Variants in PLXNA4 observed in about 807,000 individuals in gnomAD.
The protein encoded by PLXNA4 is plexin A4.
A neutral mutation model predicts 191.8 loss-of-function variants in PLXNA4; 44 were observed. The ratio of observed to expected loss-of-function variants is 0.23; its 90% CI spans 0.18 to 0.29. The LOEUF (loss-of-function observed/expected upper bound fraction) is 0.29. Among genes scored for constraint, PLXNA4 ranks in the 10% least tolerant of loss-of-function variants. The probability of loss-of-function intolerance (pLI) is 1.00; values close to 1 mark genes in which losing one functional copy is unlikely to be tolerated. For synonymous variants in PLXNA4, 1,082 were observed against 1,009.5 expected (o/e 1.07, Z -1.36); for missense variants, 1,800 against 2,488.8 (o/e 0.72, Z 5.89).
At chr7:132,338,495 G>T (rs996364490) in intron 3 of PLXNA4, among the ~76,000 whole-genome samples, 1 of 152,238 alleles carries the variant, frequency 6.6e-6, no homozygotes, top group Non-Finnish European at 1.5e-5. Context: ...CAGTAAAAAT[G>T]AGTTGTTCCA....
At chr7:132,368,168 C>T (rs761392418) in intron 3 of PLXNA4, among the ~76,000 whole-genome samples, 1 of 151,958 alleles carries the variant, frequency 6.6e-6, no homozygotes, top group Non-Finnish European at 1.5e-5. Flanking sequence ...CAATGCTGGG[C>T]GTGATCAAAG....
chr7:132,648,257 C>A (rs1055908819), intron 1 of PLXNA4, among the ~76,000 whole-genome samples: 6 of 152,160 alleles, frequency 3.9e-5, no homozygotes, highest in African/African-American at 1.4e-4. Context: ...CACAGAAACG[C>A]TTTCCATTTC....
intron 2 of PLXNA4, among the ~76,000 whole-genome samples, chr7:132,585,166 GA>G (rs1177019919): frequency 6.6e-6 from 1 of 152,138 alleles, no homozygotes; most frequent in Non-Finnish European, 1.5e-5. Context: ...TGATTATAGG[GA>G]TATTCCAGGG....
intron 4 of PLXNA4, among the ~76,000 whole-genome samples, chr7:132,246,290 A>G (rs1020820975): frequency 6.6e-6 from 1 of 152,362 alleles, no homozygotes; most frequent in East Asian, 1.9e-4. Context: ...AAAGATAGGT[A>G]TCACTATTCT....
intron 2 of PLXNA4, among the ~76,000 whole-genome samples, chr7:132,490,993 T>C (rs1797774087): frequency 1.3e-5 from 2 of 152,054 alleles, no homozygotes; most frequent in Non-Finnish European, 1.5e-5. Context: ...TAGTAGCTGG[T>C]GAAAAGCCCT....
At chr7:132,647,860 C>A (rs1395273697) in intron 1 of PLXNA4, among the ~76,000 whole-genome samples, 1 of 151,874 alleles carries the variant, frequency 6.6e-6, no homozygotes, top group Non-Finnish European at 1.5e-5. Flanking sequence ...ATCATATACA[C>A]ACATACACTC....
chr7:132,189,042 GA>G (rs1562909202), intron 14 of PLXNA4, among the ~76,000 whole-genome samples: 3 of 88,876 alleles, frequency 3.4e-5, no homozygotes, highest in African/African-American at 2.1e-4. Context: ...GAGAGAGAGA[GA>G]GAGAGAGAGA....
chr7:132,151,831 G>A (rs1027599187), intron 25 of PLXNA4, among the ~76,000 whole-genome samples: 8 of 152,104 alleles, frequency 5.3e-5, no homozygotes, highest in African/African-American at 1.7e-4. Flanking sequence ...AGAGAGGGTG[G>A]AGTATAACTG....
intron 2 of PLXNA4, among the ~76,000 whole-genome samples, chr7:132,615,927 A>ATCTCTCTCTC (rs370549958): frequency 0.061 from 5,067 of 83,612 alleles, 318 homozygotes; most frequent in African/African-American, 0.07. Flanking sequence ...CAGATAAAGG[A>ATCTCTCTCTC]TCTCTCTCTC....
chr7:132,153,895 C>A (rs533767027), intron 25 of PLXNA4, among the ~76,000 whole-genome samples: 2 of 152,030 alleles, frequency 1.3e-5, no homozygotes, highest in Non-Finnish European at 2.9e-5. Flanking sequence ...TTTGCAATAA[C>A]CCCACTTCCA....
At chr7:132,166,647 G>A (rs1250665784) in intron 22 of PLXNA4, among the ~76,000 whole-genome samples, 1 of 151,858 alleles carries the variant, frequency 6.6e-6, no homozygotes, top group African/African-American at 2.4e-5. Flanking sequence ...GCAGCCGGGG[G>A]CAAGAAGAAG....
chr7:132,228,611 C>T (rs1798416145), intron 5 of PLXNA4, 142 bp from the exon 6 acceptor site: 1 of 1,100,138 alleles, frequency 9.1e-7, no homozygotes, highest in Admixed American at 2.7e-5. Context: ...TGTGTCCTTC[C>T]TCAAGCCTGG....
chr7:132,169,896 G>T (rs998136400), intron 21 of PLXNA4, among the ~76,000 whole-genome samples: 1 of 152,070 alleles, frequency 6.6e-6, no homozygotes. Context: ...CTGCCCCCAA[G>T]GGGGAGCTTC....
At chr7:132,178,713 T>TACACATACAC (rs142378860) in intron 20 of PLXNA4, among the ~76,000 whole-genome samples, 3 of 112,096 alleles carry the variant, frequency 2.7e-5, no homozygotes, top group South Asian at 3.1e-4. Context: ...CACATACACA[T>TACACATACAC]ACACACACAC....
intron 3 of PLXNA4, among the ~76,000 whole-genome samples, chr7:132,486,796 G>C (rs944712317): frequency 2.0e-5 from 3 of 152,226 alleles, no homozygotes; most frequent in Non-Finnish European, 4.4e-5. Context: ...CTCTTGGTGG[G>C]GTATTGCCTG....
At chr7:132,251,487 C>T (rs1409599163) in intron 4 of PLXNA4, among the ~76,000 whole-genome samples, 1 of 152,188 alleles carries the variant, frequency 6.6e-6, no homozygotes, top group Admixed American at 6.5e-5. Context: ...CAGGCATATG[C>T]TGAGGCTCCC....
chr7:132,593,120 T>C (rs1476738102), intron 2 of PLXNA4, among the ~76,000 whole-genome samples: 2 of 152,208 alleles, frequency 1.3e-5, no homozygotes, highest in Non-Finnish European at 2.9e-5. Context: ...TCTGTTTTGT[T>C]TAGGCTCAGT....
intron 2 of PLXNA4, among the ~76,000 whole-genome samples, chr7:132,584,807 G>A (rs745625250): frequency 3.3e-5 from 5 of 152,048 alleles, no homozygotes; most frequent in East Asian, 1.9e-4. Context: ...CAAGTACTAC[G>A]TTCTCCATTT....
At chr7:132,372,221 G>A (rs986719513) in intron 3 of PLXNA4, among the ~76,000 whole-genome samples, 1 of 152,200 alleles carries the variant, frequency 6.6e-6, no homozygotes, top group Non-Finnish European at 1.5e-5. Context: ...TTCCAGCAAT[G>A]AGCTTCAATT....
Sources: gnomAD v4.1 joint callset for allele counts (sites outside exome capture counted in the v4.1 genomes callset) on GRCh38, gnomAD v4.1.1 for gene constraint, MANE v1.5 for transcripts, NCBI Gene and HGNC (gene_info 2026-07-23, HGNC 2026-07-21) for gene names.